MAGI2: variants seen among roughly 807,000 people sequenced by gnomAD.
MAGI2 encodes membrane-associated guanylate kinase, WW and PDZ domain-containing protein 2.
In MAGI2, 35 loss-of-function variants were observed where a neutral mutation model predicts 133.3. The ratio of observed to expected loss-of-function variants is 0.26; its 90% CI spans 0.20 to 0.35. The LOEUF is 0.35. Ranked by LOEUF, MAGI2 falls within the 10% of genes least tolerant of loss-of-function variation. MAGI2 has a pLI of 1.00. For missense variants in MAGI2, 1,636 were observed against 1,863.4 expected (o/e 0.88, Z 2.25); for synonymous variants, 729 against 710.6 (o/e 1.03, Z -0.41).
At chr7:79,076,538 G>T (rs148683212) in intron 1 of MAGI2, among the ~76,000 whole-genome samples, 249 of 152,174 alleles carry the variant, frequency 1.6e-3, no homozygotes, top group African/African-American at 5.7e-3. Flanking sequence ...TATATTCAAA[G>T]TTCAAAGATG....
At chr7:78,924,766 C>T (rs2151642469) in intron 2 of MAGI2, among the ~76,000 whole-genome samples, 1 of 151,974 alleles carries the variant, frequency 6.6e-6, no homozygotes, top group Non-Finnish European at 1.5e-5. Flanking sequence ...CCAGGAAAAG[C>T]CCAGTCGTCT....
intron 1 of MAGI2, among the ~76,000 whole-genome samples, chr7:79,073,319 G>T (rs779784091): frequency 1.3e-5 from 2 of 152,154 alleles, no homozygotes; most frequent in Non-Finnish European, 2.9e-5. Context: ...GGGATTAGGT[G>T]TTGAATTTGG....
chr7:78,654,748 T>G lies in MAGI2; in HGVS notation c.419-27509A>C, dbSNP rs570250304. 2.3e-4 allele frequency among the ~76,000 whole-genome samples: 24 copies of G among 103,246 alleles called. No homozygotes were observed. The East Asian group carries it at 6.9e-3, about 30-fold the overall frequency. The allele number at this position is 103,246 out of a possible 152,430, so 67.7% of individuals were successfully genotyped here. The stretch of plus-strand genomic sequence containing the variant: ...ATATATATATATATATATATATATA[T>G]AGCATATATTTTGCATCGCAACTGG... On this transcript the variant is annotated intron_variant, in intron 2 of 21. Transcript: ENST00000354212.
At chr7:79,101,974 T>C (rs1818024714) in intron 1 of MAGI2, among the ~76,000 whole-genome samples, 1 of 152,024 alleles carries the variant, frequency 6.6e-6, no homozygotes, top group Non-Finnish European at 1.5e-5. Context: ...CAGTAGACTA[T>C]GGCATGTGTT....
At chr7:78,924,033 T>C (rs1242653405) in intron 2 of MAGI2, among the ~76,000 whole-genome samples, 2 of 152,140 alleles carry the variant, frequency 1.3e-5, no homozygotes, top group African/African-American at 2.4e-5. Context: ...GTGATTTTTG[T>C]ATATTGATTT....
intron 1 of MAGI2, among the ~76,000 whole-genome samples, chr7:79,443,262 AAG>A: frequency 9.7e-6 from 1 of 102,984 alleles, no homozygotes; most frequent in East Asian, 3.0e-4. Flanking sequence ...TTAGTGTTTG[AAG>A]TGTGTGTGTG....
chr7:79,136,448 C>G lies in MAGI2; in HGVS notation c.302-129242G>C, dbSNP rs1391511263. 2.6e-5 allele frequency among the ~76,000 whole-genome samples: 4 copies of G among 152,210 alleles called. No individual in the cohort carries two copies. The South Asian group carries it at 8.3e-4, about 32-fold the overall frequency. ...TGCAGTGAACATTCAAGGACTAGCA[C>G]CTTGTCTCCCATATGTTCAGCCTAA... On this transcript the variant is annotated intron_variant, in intron 1 of 21. Coordinates refer to ENST00000354212, the MANE Select transcript of MAGI2 (RefSeq NM_012301.4).
intron 10 of MAGI2, among the ~76,000 whole-genome samples, chr7:78,244,583 A>G (rs1791561876): frequency 6.6e-6 from 1 of 152,236 alleles, no homozygotes; most frequent in South Asian, 2.1e-4. Context: ...AGACATCAGC[A>G]TAACTTTAAT....
At chr7:79,041,178 TAAAC>T (rs1349695868) in intron 1 of MAGI2, among the ~76,000 whole-genome samples, 1 of 152,198 alleles carries the variant, frequency 6.6e-6, no homozygotes, top group Non-Finnish European at 1.5e-5. Context: ...TCCTTAGAGA[TAAAC>T]AATCTTTTTC....
intron 6 of MAGI2, among the ~76,000 whole-genome samples, chr7:78,483,466 A>T (rs1458864153): frequency 6.6e-6 from 1 of 151,846 alleles, no homozygotes; most frequent in African/African-American, 2.4e-5. Context: ...TTGGTGCAGG[A>T]AGGATATTTA....
chr7:78,360,929 T>A (rs1205911271), intron 7 of MAGI2, among the ~76,000 whole-genome samples: 1 of 152,206 alleles, frequency 6.6e-6, no homozygotes, highest in Admixed American at 6.5e-5. Context: ...GCTGTGAGCA[T>A]TCCTGCCCTC....
chr7:78,825,203 G>A (rs141627998), intron 2 of MAGI2, among the ~76,000 whole-genome samples: 4 of 152,118 alleles, frequency 2.6e-5, no homozygotes, highest in South Asian at 2.1e-4. Flanking sequence ...GTATACCTAC[G>A]TAACAAACTT....
intron 4 of MAGI2, among the ~76,000 whole-genome samples, chr7:78,505,881 G>A (rs188004220): frequency 3.5e-3 from 242 of 68,618 alleles, no homozygotes; most frequent in Middle Eastern, 0.016. Context: ...TCAGAAGAAG[G>A]TAAGGGAGAA....
Position 78,668,051 on chromosome 7 carries a change from C to T in MAGI2, c.419-40812G>A, listed in dbSNP as rs557418964. On this transcript the variant is annotated intron_variant, in intron 2 of 21. Coordinates refer to ENST00000354212, the MANE Select transcript of MAGI2 (RefSeq NM_012301.4). ...ATTTCTCCCCACATCCTCTCCAGCA[C>T]CTGTTGTTTCCTGACTTTTTAGTGA... is the stretch of plus-strand genomic sequence containing the variant. 8.2e-4 allele frequency among the ~76,000 whole-genome samples: 125 copies of T among 152,150 alleles called. 2 individuals carry two copies. In the East Asian group the frequency reaches 0.022, roughly 27 times the overall value.
At chr7:78,575,564 C>T (rs967066805) in intron 3 of MAGI2, among the ~76,000 whole-genome samples, 1 of 152,178 alleles carries the variant, frequency 6.6e-6, no homozygotes, top group African/African-American at 2.4e-5. Context: ...AGAAACCCCA[C>T]AAGCATCACT....
At chr7:78,280,853 C>A (rs1004626757) in intron 9 of MAGI2, among the ~76,000 whole-genome samples, 1,503 of 107,726 alleles carry the variant, frequency 0.014, no homozygotes, top group Non-Finnish European at 0.016. Context: ...GATGGGTATA[C>A]AAAAAAAAAA....
intron 1 of MAGI2, among the ~76,000 whole-genome samples, chr7:79,283,108 G>A (rs1360537385): frequency 2.6e-5 from 4 of 151,982 alleles, no homozygotes; most frequent in African/African-American, 9.7e-5. Context: ...AATCATATGT[G>A]CTTTTGCTTT....
chr7:78,018,058 C>G lies in MAGI2; in HGVS notation c.*1257G>C, dbSNP rs1023177255. On this transcript the variant is annotated 3_prime_UTR_variant, in exon 22 of 22. Transcript: ENST00000354212. ...ATGCTAAAACAGCAGGGAAGAAAGG[C>G]AAGACTTAGAATTTTACTAGGAGGT... 1.1e-4 allele frequency: 17 copies of G among 152,222 alleles called. No homozygotes were observed. Among genetic ancestry groups the G allele is most frequent in the Non-Finnish European group, 2.1e-4 (14 of 68,022 alleles). 9.4% of individuals were successfully genotyped at this position (152,222 alleles called of 1,614,324 possible). A position where few individuals can be genotyped will look rare whatever the true frequency, so the allele number is the denominator to read the frequency against.
intron 2 of MAGI2, among the ~76,000 whole-genome samples, chr7:78,914,589 T>C (rs978146899): frequency 1.7e-4 from 26 of 152,262 alleles, no homozygotes; most frequent in African/African-American, 5.8e-4. Flanking sequence ...ATCAATCAAA[T>C]TGACACCTGA....
Sources: gnomAD v4.1 joint callset for allele counts (sites outside exome capture counted in the v4.1 genomes callset) on GRCh38, gnomAD v4.1.1 for gene constraint, MANE v1.5 for transcripts, NCBI Gene and HGNC (gene_info 2026-07-23, HGNC 2026-07-21) for gene names.